The following KCNQ1OT1 variants were observed in gnomAD, a reference collection of about 807,000 sequenced individuals.
The protein encoded by KCNQ1OT1 is KCNQ1 opposite strand/antisense transcript 1.
chr11:2,655,325 G>A (rs1407095583), exon 1 of KCNQ1OT1: 12 of 398,484 alleles, frequency 3.0e-5, no homozygotes, highest in Non-Finnish European at 5.3e-5. Flanking sequence ...CCTTGACAAA[G>A]CAAAGGCAGC....
rs1198430234 is a variant in KCNQ1OT1, at chr11:2,612,456, A to C, written n.87539T>G. Reference sequence around the variant, plus strand: ...TTCATTATTTTTCTTTCTATTCTTCAGTCTGAATCATCTTTATGGATCTGC... The same window carrying C: ...TTCATTATTTTTCTTTCTATTCTTCCGTCTGAATCATCTTTATGGATCTGC... On this transcript the variant is annotated non_coding_transcript_exon_variant, in exon 1 of 1. Transcript: ENST00000597346. The surrounding 1 kb of genome is among the most constrained non-coding windows in gnomAD (Gnocchi z 5.5). The C allele has an allele frequency of 1.8e-5, 7 of 398,432 alleles. No homozygotes were observed. The highest frequency in any genetic ancestry group is 3.1e-5 in the Non-Finnish European group (7 of 226,046). The allele number at this position is 398,432 out of a possible 1,614,324, so 24.7% of individuals were successfully genotyped here. A position where few individuals can be genotyped will look rare whatever the true frequency, so the allele number is the denominator to read the frequency against.
rs1361709836 is a variant in KCNQ1OT1 at position 2,671,644 on chromosome 11, C to T, written n.28351G>A. ...TGCCACAGCAGTGTCCTGTGGTGCC[C>T]TGCTGGGGAAACTGAGGCAGAGAGC... On this transcript the variant is annotated non_coding_transcript_exon_variant, in exon 1 of 1. Coordinates refer to ENST00000597346, the Ensembl canonical transcript of KCNQ1OT1. The surrounding 1 kb of genome is among the most constrained non-coding windows in gnomAD (Gnocchi z 4.7). 1.5e-5 allele frequency: 6 copies of T among 397,316 alleles called. No individual in the cohort carries two copies. The highest frequency in any genetic ancestry group is 2.7e-5 in the Non-Finnish European group (6 of 225,808). The allele number at this position is 397,316 out of a possible 1,614,324, so 24.6% of individuals were successfully genotyped here. A position where few individuals can be genotyped will look rare whatever the true frequency, so the allele number is the denominator to read the frequency against.
exon 1 of KCNQ1OT1, chr11:2,680,333 A>T (rs1850373787): frequency 2.5e-6 from 1 of 397,740 alleles, no homozygotes; most frequent in Non-Finnish European, 4.4e-6. Context: ...TCAAAAAAAA[A>T]GTCTTTCCAG....
rs1451084004 is a variant in KCNQ1OT1, at chr11:2,629,208, T to G, written n.70787A>C. On this transcript the variant is annotated non_coding_transcript_exon_variant, in exon 1 of 1. Coordinates refer to ENST00000597346, the Ensembl canonical transcript of KCNQ1OT1. ...AGTATAGCTATTTCGGCAATATTTA[T>G]TCTATTGATCTATGAACACCAGATA... 3 of 398,284 alleles carry G rather than the reference T, an allele frequency of 7.5e-6. No individual in the cohort carries two copies. In the Admixed American group the frequency reaches 1.3e-4, roughly 18 times the overall value. 24.7% of individuals were successfully genotyped at this position (398,284 alleles called of 1,614,324 possible).
exon 1 of KCNQ1OT1, chr11:2,637,750 G>C (rs553612477): frequency 6.6e-6 from 1 of 152,044 alleles, no homozygotes; most frequent in East Asian, 1.9e-4. Context: ...GTTAACTTCC[G>C]GTCTTGTTGA....
chr11:2,683,234 CAGG>C lies in KCNQ1OT1; in HGVS notation n.16758_16760del, dbSNP rs1850428310. ...ATGGAACTAGAGGTGAGATACAGAG[CAGG>C]AGTCCATGGCACCTCCAGAACCTGT... On this transcript the variant is annotated non_coding_transcript_exon_variant, in exon 1 of 1. Transcript: ENST00000597346. This position sits in a 1 kb window ranked among gnomAD's most constrained non-coding sequence, Gnocchi z 4.7. The C allele has an allele frequency of 5.0e-6, 2 of 398,636 alleles. No homozygotes were observed. The highest frequency in any genetic ancestry group is 8.8e-6 in the Non-Finnish European group (2 of 226,076). 24.7% of individuals were successfully genotyped at this position (398,636 alleles called of 1,614,324 possible). A position where few individuals can be genotyped will look rare whatever the true frequency, so the allele number is the denominator to read the frequency against.
At position 2,677,555 on chromosome 11, in the gene KCNQ1OT1, T is replaced by TG. The variant is rs1222932975; in HGVS notation, n.22439dup. 3 of 398,624 alleles carry TG rather than the reference T, an allele frequency of 7.5e-6. No individual in the cohort carries two copies. The South Asian group carries it at 3.8e-4, about 51-fold the overall frequency. 24.7% of individuals were successfully genotyped at this position (398,624 alleles called of 1,614,324 possible). A position where few individuals can be genotyped will look rare whatever the true frequency, so the allele number is the denominator to read the frequency against. Reference sequence around the variant, plus strand: ...GCCAAGTATAAAAGATGCCCTCAGATGTTACCATATAATGCTTTACAAAAG... The same window carrying TG: ...GCCAAGTATAAAAGATGCCCTCAGATGGTTACCATATAATGCTTTACAAAAG... On this transcript the variant is annotated non_coding_transcript_exon_variant, in exon 1 of 1. Coordinates refer to ENST00000597346, the Ensembl canonical transcript of KCNQ1OT1. This position sits in a 1 kb window ranked among gnomAD's most constrained non-coding sequence, Gnocchi z 4.5.
At position 2,695,234 on chromosome 11, in the gene KCNQ1OT1, T is replaced by G; in HGVS notation, n.4761A>C. 1 of 398,656 alleles carries G rather than the reference T, an allele frequency of 2.5e-6. No homozygotes were observed. 24.7% of individuals were successfully genotyped at this position (398,656 alleles called of 1,614,324 possible). ...AAGGGTCTGCATAAAGTCACCGCTCTCTTCCTCTCCATGCTTTTCCACTTC... is the reference window on the plus strand; with the variant it reads ...AAGGGTCTGCATAAAGTCACCGCTCGCTTCCTCTCCATGCTTTTCCACTTC... On this transcript the variant is annotated non_coding_transcript_exon_variant, in exon 1 of 1. Transcript: ENST00000597346. This position sits in a 1 kb window ranked among gnomAD's most constrained non-coding sequence, Gnocchi z 5.2.
exon 1 of KCNQ1OT1, chr11:2,630,870 G>GT (rs1237655485): frequency 6.3e-5 from 25 of 398,368 alleles, no homozygotes; most frequent in Middle Eastern, 6.2e-4. Flanking sequence ...TTAGATGGCA[G>GT]TTTTTTATCT....
exon 1 of KCNQ1OT1, chr11:2,643,579 A>G (rs1849613857): frequency 2.5e-6 from 1 of 398,434 alleles, no homozygotes; most frequent in East Asian, 3.6e-5. Flanking sequence ...TAGCATTTAG[A>G]TGGGTCATGT....
In KCNQ1OT1 at chr11:2,613,791, T is replaced by A. The variant is rs1389116793; in HGVS notation, n.86204A>T. 1 of 398,436 alleles carries A rather than the reference T, an allele frequency of 2.5e-6. No homozygotes were observed. Among genetic ancestry groups the A allele is most frequent in the Non-Finnish European group, 4.4e-6 (1 of 226,048 alleles). The allele number at this position is 398,436 out of a possible 1,614,324, so 24.7% of individuals were successfully genotyped here. A position where few individuals can be genotyped will look rare whatever the true frequency, so the allele number is the denominator to read the frequency against. ...AAATCTTCCTCTCACCCATATCTCTTCCATCCTAATTCCCCCTACCCATTA... is the reference window on the plus strand; with the variant it reads ...AAATCTTCCTCTCACCCATATCTCTACCATCCTAATTCCCCCTACCCATTA... On this transcript the variant is annotated non_coding_transcript_exon_variant, in exon 1 of 1. Coordinates refer to ENST00000597346, the Ensembl canonical transcript of KCNQ1OT1. This position sits in a 1 kb window ranked among gnomAD's most constrained non-coding sequence, Gnocchi z 4.8.
chr11:2,651,075 T>C lies in KCNQ1OT1; in HGVS notation n.48920A>G, dbSNP rs997275595. The C allele has an allele frequency of 7.5e-6, 3 of 398,706 alleles. No individual in the cohort carries two copies. Among genetic ancestry groups the C allele is most frequent in the Non-Finnish European group, 1.3e-5 (3 of 226,172 alleles). 24.7% of individuals were successfully genotyped at this position (398,706 alleles called of 1,614,324 possible). A position where few individuals can be genotyped will look rare whatever the true frequency, so the allele number is the denominator to read the frequency against. ...TGCCTACATTGTTGTCCATACCTCA[T>C]TACTGGTCTCTTGATTTCCACTCTT... is the stretch of plus-strand genomic sequence containing the variant. On this transcript the variant is annotated non_coding_transcript_exon_variant, in exon 1 of 1. Coordinates refer to ENST00000597346, the Ensembl canonical transcript of KCNQ1OT1. The surrounding 1 kb of genome is among the most constrained non-coding windows in gnomAD (Gnocchi z 6.1).
At chr11:2,631,118 A>T (rs375573909) in exon 1 of KCNQ1OT1, 3 of 398,590 alleles carry the variant, frequency 7.5e-6, no homozygotes, top group Non-Finnish European at 8.8e-6. Context: ...ATGTCCATCA[A>T]TCTGGGAAGA....
rs2133850518 is a variant in KCNQ1OT1 at position 2,657,445 on chromosome 11, C to A, written n.42550G>T. 2.5e-6 allele frequency: 1 copy of A among 398,474 alleles called. No individual in the cohort carries two copies. The highest frequency in any genetic ancestry group is 4.4e-6 in the Non-Finnish European group (1 of 226,018). The allele number at this position is 398,474 out of a possible 1,614,324, so 24.7% of individuals were successfully genotyped here. A position where few individuals can be genotyped will look rare whatever the true frequency, so the allele number is the denominator to read the frequency against. The stretch of plus-strand genomic sequence containing the variant: ...TATACTTAGTTAGATAATTAATATT[C>A]TTTTGTGCTATTGTATACAGGTTCT... On this transcript the variant is annotated non_coding_transcript_exon_variant, in exon 1 of 1. Coordinates refer to ENST00000597346, the Ensembl canonical transcript of KCNQ1OT1. This position sits in a 1 kb window ranked among gnomAD's most constrained non-coding sequence, Gnocchi z 4.8.
chr11:2,684,457 A>G (rs766881608), exon 1 of KCNQ1OT1: 16 of 398,528 alleles, frequency 4.0e-5, no homozygotes, highest in Middle Eastern at 6.2e-4. Context: ...CTTTTGGCAA[A>G]AAGACTATGC....
Position 2,621,047 on chromosome 11 carries a change from G to A in KCNQ1OT1, n.78948C>T, listed in dbSNP as rs1589986424. ...GGCTGGAGTGCAGTGGCGCAATCTC[G>A]GCTCACTGCAACCTCCACCTCCTGG... On this transcript the variant is annotated non_coding_transcript_exon_variant, in exon 1 of 1. Coordinates refer to ENST00000597346, the Ensembl canonical transcript of KCNQ1OT1. The surrounding 1 kb of genome is among the most constrained non-coding windows in gnomAD (Gnocchi z 5.7). 5 of 396,036 alleles carry A rather than the reference G, an allele frequency of 1.3e-5. No individual in the cohort carries two copies. Among genetic ancestry groups the A allele is most frequent in the African/African-American group, 2.1e-5 (1 of 48,404 alleles). 24.5% of individuals were successfully genotyped at this position (396,036 alleles called of 1,614,324 possible).
chr11:2,690,633 G>A lies in KCNQ1OT1; in HGVS notation n.9362C>T. The A allele has an allele frequency of 2.5e-6, 1 of 398,582 alleles. No individual in the cohort carries two copies. Among genetic ancestry groups the A allele is most frequent in the Non-Finnish European group, 4.4e-6 (1 of 226,014 alleles). The allele number at this position is 398,582 out of a possible 1,614,324, so 24.7% of individuals were successfully genotyped here. On this transcript the variant is annotated non_coding_transcript_exon_variant, in exon 1 of 1. Coordinates refer to ENST00000597346, the Ensembl canonical transcript of KCNQ1OT1. The surrounding 1 kb of genome is among the most constrained non-coding windows in gnomAD (Gnocchi z 5.1). ...TATGTGCATGTTCATATATGTGTCAGAATGCGTATTTGTCAGTGTATGTGT... is the reference window on the plus strand; with the variant it reads ...TATGTGCATGTTCATATATGTGTCAAAATGCGTATTTGTCAGTGTATGTGT...
exon 1 of KCNQ1OT1, chr11:2,633,425 C>T: frequency 2.5e-6 from 1 of 398,508 alleles, no homozygotes; most frequent in Admixed American, 4.4e-5. Context: ...CTTATAAAGT[C>T]TTACCCATAA....
exon 1 of KCNQ1OT1, chr11:2,631,802 G>A (rs1849357038): frequency 2.5e-6 from 1 of 398,478 alleles, no homozygotes; most frequent in African/African-American, 2.1e-5. Flanking sequence ...GGTCCTTGGT[G>A]GCCAAGGCTG....
Sources: gnomAD v4.1 joint callset for allele counts on GRCh38, gnomAD v4.1.1 for gene constraint, Gnocchi (gnomAD v3.1) non-coding constraint, MANE v1.5 for transcripts, NCBI Gene and HGNC (gene_info 2026-07-23, HGNC 2026-07-21) for gene names.